RMND5B: variants seen among roughly 807,000 people sequenced by gnomAD.
RMND5B encodes the protein E3 ubiquitin-protein transferase RMND5B.
Under a neutral mutation model 50.4 loss-of-function variants are expected in RMND5B, and 42 were observed. The observed-to-expected ratio is 0.83, with a 90% confidence interval of 0.65 to 1.08. The LOEUF is 1.08. Among genes scored for constraint, RMND5B ranks in the 50% least tolerant of loss-of-function variants. RMND5B has a pLI of 0.00. For missense variants in RMND5B, 463 were observed against 508.5 expected, an observed-to-expected ratio of 0.91 and a Z score of 0.86; for synonymous variants, 220 against 210.0, an observed-to-expected ratio of 1.05 and a Z score of -0.41.
At chr5:178,140,794 C>T (rs1302843518) in intron 3 of RMND5B, among the ~76,000 whole-genome samples, 2 of 149,870 alleles carry the variant, frequency 1.3e-5, no homozygotes, top group Admixed American at 1.3e-4. Context: ...CGCGCCACTG[C>T]ATTCCAGCAT....
intron 2 of RMND5B, among the ~76,000 whole-genome samples, chr5:178,132,356 G>A (rs985289889): frequency 1.3e-5 from 2 of 152,128 alleles, no homozygotes; most frequent in South Asian, 4.2e-4. Flanking sequence ...CAGGAGAATC[G>A]CTTGAAACTG....
intron 2 of RMND5B, among the ~76,000 whole-genome samples, chr5:178,133,776 A>G (rs960537589): frequency 2.2e-4 from 31 of 137,904 alleles, no homozygotes; most frequent in African/African-American, 7.2e-4. Flanking sequence ...CAGTGGCACA[A>G]TCTTGGCTCA....
chr5:178,139,372 A>G (rs1374736722), intron 3 of RMND5B, among the ~76,000 whole-genome samples: 1 of 151,472 alleles, frequency 6.6e-6, no homozygotes, highest in Non-Finnish European at 1.5e-5. Context: ...CCTGCAGCTA[A>G]TTTTTGTATT....
At chr5:178,145,604 C>G (rs780117598) in intron 7 of RMND5B, among the ~76,000 whole-genome samples, 13 of 152,082 alleles carry the variant, frequency 8.5e-5, no homozygotes, top group Non-Finnish European at 1.9e-4. Flanking sequence ...GGGGTTTCAC[C>G]ATGTTGGCCA....
At chr5:178,135,641 A>G (rs966519390) in intron 2 of RMND5B, among the ~76,000 whole-genome samples, 3 of 152,152 alleles carry the variant, frequency 2.0e-5, no homozygotes, top group African/African-American at 7.2e-5. Context: ...CCTTGCTACA[A>G]TGCAATCCCG....
rs570769138 is a variant in RMND5B at position 178,148,191 on chromosome 5, T to G, written c.*159T>G. 5 of 709,246 alleles carry G rather than the reference T, an allele frequency of 7.0e-6. No individual in the cohort carries two copies. In the East Asian group the frequency reaches 8.0e-5, roughly 11 times the overall value. The allele number at this position is 709,246 out of a possible 1,614,324, so 43.9% of individuals were successfully genotyped here. On this transcript the variant is annotated 3_prime_UTR_variant, in exon 11 of 11. Coordinates refer to ENST00000313386, the MANE Select transcript of RMND5B (RefSeq NM_022762.5). ...ACTGGAGCAGCCCTTTGGCAGAGGC[T>G]GAGGAGGGAGATGGACCAGCCCACG... is the stretch of plus-strand genomic sequence containing the variant.
chr5:178,148,014 G>T lies in RMND5B; in HGVS notation c.1164G>T (p.Gly388=). 1 of 1,614,090 alleles carries T rather than the reference G, an allele frequency of 6.2e-7. No homozygotes were observed. Among genetic ancestry groups the T allele is most frequent in the Non-Finnish European group, 8.5e-7 (1 of 1,180,020 alleles). Residue 388 remains glycine, a synonymous_variant, in exon 11 of 11, where the codon GGG becomes GGT. Coordinates refer to ENST00000313386, the MANE Select transcript of RMND5B (RefSeq NM_022762.5). ...CCATGGAGCAGAACCCGGCAGATGG[G>T]AAACGCATCATATTCTGATTCCTAC... is the stretch of plus-strand genomic sequence containing the variant. ...YCPMEQNPAD[G]KRIIF
In RMND5B at chr5:178,149,404, C is replaced by T; in HGVS notation, c.*1372C>T. 2.8e-6 allele frequency: 1 copy of T among 359,754 alleles called. No homozygotes were observed. Among genetic ancestry groups the T allele is most frequent in the South Asian group, 2.3e-5 (1 of 43,018 alleles). The allele number at this position is 359,754 out of a possible 1,614,324, so 22.3% of individuals were successfully genotyped here. ...AAGACTGCTTCACTCTTCCCGCCCA[C>T]CAACTCGCTGGCCCAACCAGCAGCT... On this transcript the variant is annotated 3_prime_UTR_variant, in exon 11 of 11. Coordinates refer to ENST00000313386, the MANE Select transcript of RMND5B (RefSeq NM_022762.5).
chr5:178,148,463 T>C lies in RMND5B; in HGVS notation c.*431T>C. On this transcript the variant is annotated 3_prime_UTR_variant, in exon 11 of 11. Coordinates refer to ENST00000313386, the MANE Select transcript of RMND5B (RefSeq NM_022762.5). ...GCGGTGGCCCACCTCTTCCTCCCAC[T>C]ACAGCCTCAACAGTATGTACCATCT... 3.9e-6 allele frequency: 1 copy of C among 253,400 alleles called. No homozygotes were observed. The highest frequency in any genetic ancestry group is 5.0e-5 in the Admixed American group (1 of 19,812). 15.7% of individuals were successfully genotyped at this position (253,400 alleles called of 1,614,324 possible).
Position 178,150,244 on chromosome 5 carries a change from C to T in RMND5B, c.*2212C>T, listed in dbSNP as rs544955204. On this transcript the variant is annotated 3_prime_UTR_variant, in exon 11 of 11. Coordinates refer to ENST00000313386, the MANE Select transcript of RMND5B (RefSeq NM_022762.5). The stretch of plus-strand genomic sequence containing the variant: ...ACAAAGCTCTTTCACATACATCTAT[C>T]TCTTTATTCTCATAGTCCACAGATA... 28 of 216,740 alleles carry T rather than the reference C, an allele frequency of 1.3e-4. 1 individual carries two copies. Among genetic ancestry groups the T allele is most frequent in the Middle Eastern group, 1.9e-3 (1 of 520 alleles). The allele number at this position is 216,740 out of a possible 1,614,324, so 13.4% of individuals were successfully genotyped here.
chr5:178,132,361 A>C (rs1419673347), intron 2 of RMND5B, among the ~76,000 whole-genome samples: 2 of 152,088 alleles, frequency 1.3e-5, no homozygotes, highest in Non-Finnish European at 2.9e-5. Flanking sequence ...GAATCGCTTG[A>C]AACTGGGAAG....
At position 178,146,268 on chromosome 5, in the gene RMND5B, C is replaced by T. The variant is rs749058433; in HGVS notation, c.849C>T (p.Pro283=). 2 of 1,613,928 alleles carry T rather than the reference C, an allele frequency of 1.2e-6. No homozygotes were observed. Among genetic ancestry groups the T allele is most frequent in the East Asian group, 2.2e-5 (1 of 44,886 alleles). ...CSLLGLSVES[P]LSVSFASGCV... The stretch of plus-strand genomic sequence containing the variant: ...TGCTGGGGCTTTCTGTGGAGTCCCC[C>T]CTTAGCGTCAGGTACAACCCAGCCC... Residue 283 remains proline (P), a synonymous_variant, in exon 8 of 11, where the codon CCC becomes CCT. Coordinates refer to ENST00000313386, the MANE Select transcript of RMND5B (RefSeq NM_022762.5).
chr5:178,135,447 A>G (rs950161276), intron 2 of RMND5B: 1 of 153,240 alleles, frequency 6.5e-6, no homozygotes, highest in Non-Finnish European at 1.5e-5. Context: ...TTTAATTTAC[A>G]TAAATGGATT....
rs1037493348 is a variant in RMND5B at position 178,147,449 on chromosome 5, G to A, written c.861-84G>A. The A allele has an allele frequency of 5.9e-6, 6 of 1,010,476 alleles. No individual in the cohort carries two copies. The African/African-American group carries it at 8.0e-5, about 14-fold the overall frequency. The allele number at this position is 1,010,476 out of a possible 1,614,324, so 62.6% of individuals were successfully genotyped here. A position where few individuals can be genotyped will look rare whatever the true frequency, so the allele number is the denominator to read the frequency against. ...CACCATTTTAGAGCCCTGTCTCAAGGTCCATGCTGAAGCATGGCGCGCTGG... is the reference window on the plus strand; with the variant it reads ...CACCATTTTAGAGCCCTGTCTCAAGATCCATGCTGAAGCATGGCGCGCTGG... On this transcript the variant is annotated intron_variant, in intron 8 of 10. Transcript: ENST00000313386.
chr5:178,149,728 C>T lies in RMND5B; in HGVS notation c.*1696C>T, dbSNP rs754228756. The T allele has an allele frequency of 5.6e-6, 9 of 1,613,846 alleles. No individual in the cohort carries two copies. The highest frequency in any genetic ancestry group is 1.7e-5 in the Admixed American group (1 of 60,010). On this transcript the variant is annotated 3_prime_UTR_variant, in exon 11 of 11. Transcript: ENST00000313386. ...CCGGAGCCCCTCATAGGGGTAGGGG[C>T]AGGGACTGCACCTCCTCCAGGCACT...
At chr5:178,144,791 C>CAAAG (rs920873413) in intron 7 of RMND5B, among the ~76,000 whole-genome samples, 3 of 151,470 alleles carry the variant, frequency 2.0e-5, no homozygotes, top group African/African-American at 7.3e-5. Flanking sequence ...GAGGCCAAAG[C>CAAAG]AAAGGGCGGA....
Position 178,149,944 on chromosome 5 carries a change from C to T in RMND5B, c.*1912C>T. 7 of 1,227,102 alleles carry T rather than the reference C, an allele frequency of 5.7e-6. No homozygotes were observed. The Middle Eastern group carries it at 7.8e-4, about 137-fold the overall frequency. The allele number at this position is 1,227,102 out of a possible 1,614,324, so 76.0% of individuals were successfully genotyped here. On this transcript the variant is annotated 3_prime_UTR_variant, in exon 11 of 11. Transcript: ENST00000313386. ...GCCTAATCTGGCCCACAACCATGTT[C>T]TGTTCGGTCCATGTTCTATTTAAAA...
chr5:178,143,823 C>T lies in RMND5B; in HGVS notation c.527+96C>T, dbSNP rs570974967. On this transcript the variant is annotated intron_variant, in intron 6 of 10. Transcript: ENST00000313386. ...CTTCATTTCACCCAGATGTACTTGA[C>T]TTGCCTGCAGCCCTGTCTCAAGAGC... 10 of 1,464,620 alleles carry T rather than the reference C, an allele frequency of 6.8e-6. No individual in the cohort carries two copies. The East Asian group carries it at 2.3e-4, about 33-fold the overall frequency. 90.7% of individuals were successfully genotyped at this position (1,464,620 alleles called of 1,614,324 possible). A position where few individuals can be genotyped will look rare whatever the true frequency, so the allele number is the denominator to read the frequency against.
At position 178,149,759 on chromosome 5, in the gene RMND5B, T is replaced by A; in HGVS notation, c.*1727T>A. The A allele has an allele frequency of 6.2e-7, 1 of 1,614,134 alleles. No homozygotes were observed. Among genetic ancestry groups the A allele is most frequent in the Non-Finnish European group, 8.5e-7 (1 of 1,179,998 alleles). Reference sequence around the variant, plus strand: ...CTGCACCTCCTCCAGGCACTCATCGTAAGCCTCCTGGTACTCCTCATGGGG... The same window carrying A: ...CTGCACCTCCTCCAGGCACTCATCGAAAGCCTCCTGGTACTCCTCATGGGG... On this transcript the variant is annotated 3_prime_UTR_variant, in exon 11 of 11. Transcript: ENST00000313386.
Sources: allele counts gnomAD v4.1 joint callset (sites outside exome capture counted in the v4.1 genomes callset), GRCh38; gene constraint gnomAD v4.1.1; transcripts MANE v1.5; gene names NCBI Gene and HGNC (gene_info 2026-07-23, HGNC 2026-07-21).